Variants in HNF4A observed in about 807,000 individuals in gnomAD.
HNF4A encodes hepatocyte nuclear factor 4-alpha.
Under a neutral mutation model 52.4 loss-of-function variants are expected in HNF4A, and 15 were observed. That is an observed-to-expected ratio of 0.29 (90% CI 0.19 to 0.44). The LOEUF (loss-of-function observed/expected upper bound fraction) is 0.44. HNF4A is among the 20% of genes least tolerant of loss of function. HNF4A has a pLI of 1.00. For missense variants in HNF4A, 479 were observed against 647.2 expected, an observed-to-expected ratio of 0.74 and a Z score of 2.82; for synonymous variants, 280 against 264.4, an observed-to-expected ratio of 1.06 and a Z score of -0.57.
intron 1 of HNF4A, among the ~76,000 whole-genome samples, chr20:44,374,224 A>G (rs2063062236): frequency 6.6e-6 from 1 of 152,158 alleles, no homozygotes; most frequent in Admixed American, 6.5e-5. Flanking sequence ...AAGTGAGAAC[A>G]TGCAGTATTT....
intron 7 of HNF4A, among the ~76,000 whole-genome samples, chr20:44,423,552 A>C (rs2063776181): frequency 6.6e-6 from 1 of 152,150 alleles, no homozygotes. Context: ...GAACCAGGGA[A>C]GGGGAGCCTA....
intron 3 of HNF4A, among the ~76,000 whole-genome samples, chr20:44,412,755 T>C (rs7269793): frequency 0.017 from 2,648 of 151,960 alleles, 74 homozygotes; most frequent in African/African-American, 0.057. Context: ...ACGACAGCAC[T>C]GGGGTGTGAG....
Position 44,428,457 on chromosome 20 carries a change from T to C in HNF4A, c.1252T>C (p.Cys418Arg), listed in dbSNP as rs2063838870. 2 of 1,613,956 alleles carry C rather than the reference T, an allele frequency of 1.2e-6. No individual in the cohort carries two copies. Among genetic ancestry groups the C allele is most frequent in the African/African-American group, 2.7e-5 (2 of 74,878 alleles). Residue 418 changes from cysteine (C) to arginine (R), a missense_variant, in exon 9 of 10, where the codon TGT becomes CGT. Around this residue, in one of 3 missense-constraint regions of HNF4A, gnomAD observed 389 missense variants for 525.1 expected, o/e 0.74. Coordinates refer to ENST00000316099, the MANE Select transcript of HNF4A (RefSeq NM_000457.6). ...CACTCACCTCAGCAACGGACAGATG[T>C]GTGAGTGGCCCCGACCCAGGGGACA...
chr20:44,388,272 GTA>G (rs1266106107), intron 1 of HNF4A, among the ~76,000 whole-genome samples: 1 of 148,998 alleles, frequency 6.7e-6, no homozygotes, highest in African/African-American at 2.5e-5. Flanking sequence ...TTCATAATGG[GTA>G]TGACATTTAC....
chr20:44,393,792 G>A lies in HNF4A; in HGVS notation c.50-12266G>A, dbSNP rs182937940. Among the ~76,000 whole-genome samples the A allele has an allele frequency of 2.0e-5, 3 of 152,316 alleles. No homozygotes were observed. The East Asian group carries it at 5.8e-4, about 29-fold the overall frequency. On this transcript the variant is annotated intron_variant, in intron 1 of 9. Transcript: ENST00000316673. ...TTATAATTCCCAATTTACAGGTGAA[G>A]AAACTGAGGCTCAGAGAGGTGGAGA...
Position 44,411,791 on chromosome 20 carries a change from T to C in HNF4A, c.386-1903T>C, listed in dbSNP as rs140284437. Among the ~76,000 whole-genome samples, 29 of 152,192 alleles carry C rather than the reference T, an allele frequency of 1.9e-4. No homozygotes were observed. The East Asian group carries it at 5.4e-3, about 28-fold the overall frequency. On this transcript the variant is annotated intron_variant, in intron 3 of 9. Coordinates refer to ENST00000316099, the MANE Select transcript of HNF4A (RefSeq NM_000457.6). ...AATTAGAGTTTATGACCAGGTGTGG[T>C]GCCTCGCACCTGTAATCCCAGCATT...
At chr20:44,412,405 C>T (rs1472343925) in intron 3 of HNF4A, among the ~76,000 whole-genome samples, 2 of 152,092 alleles carry the variant, frequency 1.3e-5, no homozygotes, top group Non-Finnish European at 1.5e-5. Flanking sequence ...GATGCTGCTG[C>T]GCTGTGCAGG....
intron 1 of HNF4A, among the ~76,000 whole-genome samples, chr20:44,368,162 T>A (rs6073417): frequency 0.037 from 608 of 16,466 alleles, 5 homozygotes; most frequent in East Asian, 0.044. Flanking sequence ...ATATATATAT[T>A]TTTTTTTTTT....
intron 1 of HNF4A, among the ~76,000 whole-genome samples, chr20:44,364,160 C>T (rs1600631079): frequency 6.6e-6 from 1 of 152,188 alleles, no homozygotes; most frequent in African/African-American, 2.4e-5. Flanking sequence ...CCCCACCCTT[C>T]AACCTCTGGC....
At chr20:44,400,351 G>A (rs1006177360), upstream of HNF4A, among the ~76,000 whole-genome samples, 1 of 124,204 alleles carries the variant, frequency 8.1e-6, no homozygotes, top group African/African-American at 3.6e-5. Flanking sequence ...GGGAGGAGGG[G>A]GAAGAGGATG....
Position 44,429,450 on chromosome 20 carries a change from C to T in HNF4A, c.1283-73C>T, listed in dbSNP as rs147430522. The T allele has an allele frequency of 2.2e-5, 35 of 1,587,484 alleles. No individual in the cohort carries two copies. In the African/African-American group the frequency reaches 4.6e-4, roughly 21 times the overall value. ...GGGCAGGGTGGGAGGGGAGAACTTT[C>T]CCGGGCCTCTTCATTTACTCCCACA... On this transcript the variant is annotated intron_variant, in intron 9 of 9. Transcript: ENST00000316099.
chr20:44,368,158 A>ATTTT (rs1477714904), intron 1 of HNF4A, among the ~76,000 whole-genome samples: 6 of 13,216 alleles, frequency 4.5e-4, no homozygotes, highest in Non-Finnish European at 8.0e-4. Flanking sequence ...ATATATATAT[A>ATTTT]TATTTTTTTT....
chr20:44,408,874 C>T (rs2146384768), intron 3 of HNF4A, among the ~76,000 whole-genome samples: 1 of 152,240 alleles, frequency 6.6e-6, no homozygotes, highest in Admixed American at 6.5e-5. Context: ...TCTAGTCCTG[C>T]TAGTTCGGTA....
chr20:44,414,469 G>A (rs762040249), intron 4 of HNF4A, 38 bp from the exon 5 acceptor site: 100 of 1,613,806 alleles, frequency 6.2e-5, no homozygotes, highest in South Asian at 8.8e-5. Flanking sequence ...GGGAGGGCCC[G>A]GACATCTCCA....
intron 1 of HNF4A, among the ~76,000 whole-genome samples, chr20:44,366,464 T>A (rs2062971304): frequency 6.6e-6 from 1 of 151,794 alleles, no homozygotes; most frequent in Non-Finnish European, 1.5e-5. Flanking sequence ...CTACTAAAAA[T>A]TCAAAAATTA....
intron 1 of HNF4A, among the ~76,000 whole-genome samples, chr20:44,356,681 T>G (rs2062862370): frequency 6.6e-6 from 1 of 152,222 alleles, no homozygotes; most frequent in African/African-American, 2.4e-5. Context: ...CACACGCGTA[T>G]ACGTGTACAT....
Position 44,414,649 on chromosome 20 carries a change from C to G in HNF4A, c.635C>G (p.Pro212Arg). ...TACATCCCAGCTTTCTGCGAGCTCC[C>G]CCTGGACGACCAGGTGAGGATGGGC... The change falls in exon 5 of 10, where the codon CCC (proline) becomes CGC (arginine). Residue 212 changes from proline to arginine, a missense_variant. This residue lies in a region of HNF4A where 389 missense variants were observed against 525.1 expected (regional missense o/e 0.74). Transcript: ENST00000316099. The G allele has an allele frequency of 6.2e-7, 1 of 1,607,034 alleles. No homozygotes were observed.
In HNF4A at chr20:44,406,243, T is replaced by C; in HGVS notation, c.290+11T>C. The C allele has an allele frequency of 6.2e-7, 1 of 1,611,642 alleles. No homozygotes were observed. Among genetic ancestry groups the C allele is most frequent in the East Asian group, 2.2e-5 (1 of 44,838 alleles). On this transcript the variant is annotated intron_variant, in intron 2 of 9. Coordinates refer to ENST00000316099, the MANE Select transcript of HNF4A (RefSeq NM_000457.6). ...CATGTACTCCTGCAGGTGAGGAGCCTCAATTTCTTCAGCTGGGAAATGGGC... is the reference window on the plus strand; with the variant it reads ...CATGTACTCCTGCAGGTGAGGAGCCCCAATTTCTTCAGCTGGGAAATGGGC...
rs140093103 is a variant in HNF4A at position 44,373,289 on chromosome 20, A to G, written c.49+17436A>G. On this transcript the variant is annotated intron_variant, in intron 1 of 9. Coordinates refer to the HNF4A transcript ENST00000316673. ...CTAAGCCTCACAAGTAGCTGGGACTACAGACACACACCACCATGCCTGTCT... is the reference window on the plus strand; with the variant it reads ...CTAAGCCTCACAAGTAGCTGGGACTGCAGACACACACCACCATGCCTGTCT... Among the ~76,000 whole-genome samples, 1,020 of 152,260 alleles carry G rather than the reference A, an allele frequency of 6.7e-3. 4 individuals carry two copies. Among genetic ancestry groups the G allele is most frequent in the Non-Finnish European group, 0.012 (840 of 68,018 alleles).
Sources: allele counts gnomAD v4.1 joint callset (sites outside exome capture counted in the v4.1 genomes callset), GRCh38; gene constraint gnomAD v4.1.1; regional missense constraint gnomAD v4.1.1; transcripts MANE v1.5; gene names NCBI Gene and HGNC (gene_info 2026-07-23, HGNC 2026-07-21).